Variants in CDC42EP3 observed in about 807,000 individuals in gnomAD.
CDC42EP3 encodes CDC42 effector protein 3.
A neutral mutation model predicts 15.5 loss-of-function variants in CDC42EP3; 4 were observed. The ratio of observed to expected loss-of-function variants is 0.26; its 90% CI spans 0.13 to 0.59. The LOEUF is 0.59. Among genes scored for constraint, CDC42EP3 ranks in the 20% least tolerant of loss-of-function variants. The pLI, the probability that CDC42EP3 is intolerant of heterozygous loss-of-function variation, is 0.89. For missense variants in CDC42EP3, 309 were observed against 311.2 expected, an observed-to-expected ratio of 0.99 and a Z score of 0.05; for synonymous variants, 145 against 130.3, an observed-to-expected ratio of 1.11 and a Z score of -0.77.
chr2:37,667,065 A>G (rs1666271837), intron 1 of CDC42EP3, among the ~76,000 whole-genome samples: 3 of 152,116 alleles, frequency 2.0e-5, no homozygotes, highest in African/African-American at 7.2e-5. Context: ...CCCACAGCTA[A>G]TCACAAACCC....
In CDC42EP3 at chr2:37,643,865, C is replaced by T. The variant is rs1665349144; in HGVS notation, c.*1958G>A. 1 of 152,004 alleles carries T rather than the reference C, an allele frequency of 6.6e-6. No homozygotes were observed. The allele number at this position is 152,004 out of a possible 1,614,324, so 9.4% of individuals were successfully genotyped here. A position where few individuals can be genotyped will look rare whatever the true frequency, so the allele number is the denominator to read the frequency against. On this transcript the variant is annotated 3_prime_UTR_variant, in exon 2 of 2. Transcript: ENST00000295324. Reference sequence around the variant, plus strand: ...CTGGAGAGTCATGGATAACGAAATACAACTGAGAAGTTACGGAAAGCACAC... The same window carrying T: ...CTGGAGAGTCATGGATAACGAAATATAACTGAGAAGTTACGGAAAGCACAC...
chr2:37,661,140 T>C (rs953368396), intron 1 of CDC42EP3, among the ~76,000 whole-genome samples: 25 of 149,146 alleles, frequency 1.7e-4, no homozygotes, highest in Non-Finnish European at 3.1e-4. Flanking sequence ...CGTGTGTGTA[T>C]AGTGTGTGTA....
intron 1 of CDC42EP3, among the ~76,000 whole-genome samples, chr2:37,664,598 T>C (rs1666195410): frequency 1.3e-5 from 2 of 152,148 alleles, no homozygotes; most frequent in Admixed American, 1.3e-4. Context: ...TGACAACAAC[T>C]GAGGAGATAT....
chr2:37,671,211 C>T (rs1040919862), intron 1 of CDC42EP3, among the ~76,000 whole-genome samples: 2 of 152,256 alleles, frequency 1.3e-5, no homozygotes, highest in Non-Finnish European at 2.9e-5. Context: ...TGGTGGAGCT[C>T]TGAGTCCTGG....
In CDC42EP3 at chr2:37,671,460, G is replaced by A; in HGVS notation, c.-270C>T. 1 of 153,038 alleles carries A rather than the reference G, an allele frequency of 6.5e-6. No homozygotes were observed. Among genetic ancestry groups the A allele is most frequent in the Non-Finnish European group, 1.5e-5 (1 of 68,660 alleles). The allele number at this position is 153,038 out of a possible 1,614,324, so 9.5% of individuals were successfully genotyped here. On this transcript the variant is annotated 5_prime_UTR_variant, in exon 1 of 2. Coordinates refer to ENST00000295324, the MANE Select transcript of CDC42EP3 (RefSeq NM_006449.5). ...CTGAGGATCCCAGCCGCTGCCCCGGGCCTCCCGCGGGCGCACGCAATCCCT... is the reference window on the plus strand; with the variant it reads ...CTGAGGATCCCAGCCGCTGCCCCGGACCTCCCGCGGGCGCACGCAATCCCT...
chr2:37,670,056 A>C (rs1445380738), intron 1 of CDC42EP3, among the ~76,000 whole-genome samples: 1 of 152,206 alleles, frequency 6.6e-6, no homozygotes, highest in African/African-American at 2.4e-5. Flanking sequence ...AAAGAAGAGA[A>C]GGTACATTTC....
intron 1 of CDC42EP3, among the ~76,000 whole-genome samples, chr2:37,655,442 AG>A (rs1665816646): frequency 6.6e-6 from 1 of 152,332 alleles, no homozygotes; most frequent in East Asian, 1.9e-4. Flanking sequence ...GGAAGACAGA[AG>A]GTCCACCTCA....
At chr2:37,663,584 G>C (rs1275293881) in intron 1 of CDC42EP3, among the ~76,000 whole-genome samples, 1 of 152,170 alleles carries the variant, frequency 6.6e-6, no homozygotes, top group South Asian at 2.1e-4. Context: ...TTTCCACAGG[G>C]CCCGCAGATG....
At chr2:37,651,348 T>C (rs1393676762) in intron 1 of CDC42EP3, among the ~76,000 whole-genome samples, 1 of 152,188 alleles carries the variant, frequency 6.6e-6, no homozygotes, top group Non-Finnish European at 1.5e-5. Flanking sequence ...ATCACAAATA[T>C]ATAAATGTGT....
chr2:37,647,146 G>A (rs537178112), intron 1 of CDC42EP3, among the ~76,000 whole-genome samples: 3 of 152,254 alleles, frequency 2.0e-5, no homozygotes, highest in East Asian at 1.9e-4. Flanking sequence ...AAATACAACT[G>A]GATTTGTTTT....
intron 1 of CDC42EP3, among the ~76,000 whole-genome samples, chr2:37,658,373 T>C (rs1665951011): frequency 6.6e-6 from 1 of 152,118 alleles, no homozygotes; most frequent in African/African-American, 2.4e-5. Flanking sequence ...TGCATGGCGG[T>C]TGTGTGTGGC....
chr2:37,646,258 C>A lies in CDC42EP3; in HGVS notation c.330G>T (p.Pro110=), dbSNP rs140370566. 3 of 1,614,058 alleles carry A rather than the reference C, an allele frequency of 1.9e-6. No homozygotes were observed. Among genetic ancestry groups the A allele is most frequent in the East Asian group, 2.2e-5 (1 of 44,884 alleles). Residue 110 remains proline (P), a synonymous_variant, in exon 2 of 2, where the codon CCG becomes CCT. Coordinates refer to ENST00000295324, the MANE Select transcript of CDC42EP3 (RefSeq NM_006449.5). ...TGAGAGCTTGGGATCCTCCAATGGT[C>A]GGGAGGGAGATGGCATTTTTGAGCA... ...SPVLKNAISL[P]TIGGSQALML...
rs529854468 is a variant in CDC42EP3 at position 37,645,525 on chromosome 2, C to T, written c.*298G>A. On this transcript the variant is annotated 3_prime_UTR_variant, in exon 2 of 2. Transcript: ENST00000295324. ...CAGCCCTTCATAGCTAGTGCCAATC[C>T]TGGCCAAGCCAGATTTCTTGTGTGT... 1 of 242,492 alleles carries T rather than the reference C, an allele frequency of 4.1e-6. No homozygotes were observed. Among genetic ancestry groups the T allele is most frequent in the African/African-American group, 2.2e-5 (1 of 44,542 alleles). The allele number at this position is 242,492 out of a possible 1,614,324, so 15.0% of individuals were successfully genotyped here.
At chr2:37,650,255 C>T (rs1449072609) in intron 1 of CDC42EP3, among the ~76,000 whole-genome samples, 1 of 152,244 alleles carries the variant, frequency 6.6e-6, no homozygotes, top group Non-Finnish European at 1.5e-5. Flanking sequence ...GAACTGACCA[C>T]TTCCTTCTCT....
intron 1 of CDC42EP3, among the ~76,000 whole-genome samples, chr2:37,655,415 C>G (rs189685936): frequency 6.6e-6 from 1 of 152,264 alleles, no homozygotes; most frequent in East Asian, 1.9e-4. Flanking sequence ...TTTGAAAGAT[C>G]TCTTAGAAGC....
chr2:37,646,183 G>A lies in CDC42EP3; in HGVS notation c.405C>T (p.Phe135=), dbSNP rs144871845. The part of the protein sequence containing the change: ...PVTFNSKQES[F]GPAKLPRLSC... ...TAAGCCTGGGCAGCTTTGCTGGCCC[G>A]AAGGACTCCTGTTTGGAATTAAATG... The change falls in exon 2 of 2, where the codon TTC becomes TTT. Residue 135 remains phenylalanine (F), a synonymous_variant. Coordinates refer to ENST00000295324, the MANE Select transcript of CDC42EP3 (RefSeq NM_006449.5). 19 of 1,614,012 alleles carry A rather than the reference G, an allele frequency of 1.2e-5. No homozygotes were observed. Among genetic ancestry groups the A allele is most frequent in the Non-Finnish European group, 1.4e-5 (17 of 1,180,032 alleles).
chr2:37,642,774 G>T lies in CDC42EP3; in HGVS notation c.*3049C>A, dbSNP rs1053519984. Reference sequence around the variant, plus strand: ...TTGCGGGGAGCCTTCAGAAAAAACAGGTCACTTGCAGTAATATAGAAGGAC... The same window carrying T: ...TTGCGGGGAGCCTTCAGAAAAAACATGTCACTTGCAGTAATATAGAAGGAC... On this transcript the variant is annotated 3_prime_UTR_variant, in exon 2 of 2. Coordinates refer to ENST00000295324, the MANE Select transcript of CDC42EP3 (RefSeq NM_006449.5). The T allele has an allele frequency of 3.3e-5, 5 of 152,132 alleles. No individual in the cohort carries two copies. Among genetic ancestry groups the T allele is most frequent in the African/African-American group, 1.2e-4 (5 of 41,428 alleles). The allele number at this position is 152,132 out of a possible 1,614,324, so 9.4% of individuals were successfully genotyped here.
chr2:37,665,326 C>G (rs1247138812), intron 1 of CDC42EP3, among the ~76,000 whole-genome samples: 2 of 150,878 alleles, frequency 1.3e-5, no homozygotes, highest in African/African-American at 2.4e-5. Context: ...TTTTTTTTCA[C>G]AGGTGATGGG....
chr2:37,645,885 G>T lies in CDC42EP3; in HGVS notation c.703C>A (p.Gln235Lys). Residue 235 changes from glutamine to lysine, a missense_variant, in exon 2 of 2, where the codon CAG (glutamine) becomes AAG (lysine). Coordinates refer to ENST00000295324, the MANE Select transcript of CDC42EP3 (RefSeq NM_006449.5). ...SDLTGSLLSL[Q>K]LDLGPSLLDE... ...AAAAGTGAGGGCCCAAGATCAAGCT[G>T]CAGGGAGAGGAGGGAACCTGTAAGG... is the stretch of plus-strand genomic sequence containing the variant. 2.5e-6 allele frequency: 4 copies of T among 1,597,116 alleles called. No homozygotes were observed. Among genetic ancestry groups the T allele is most frequent in the Non-Finnish European group, 3.4e-6 (4 of 1,173,186 alleles).
Sources: allele counts gnomAD v4.1 joint callset (sites outside exome capture counted in the v4.1 genomes callset), GRCh38; gene constraint gnomAD v4.1.1; transcripts MANE v1.5; gene names NCBI Gene and HGNC (gene_info 2026-07-23, HGNC 2026-07-21).